DPP6: variants seen among roughly 807,000 people sequenced by gnomAD.
DPP6 encodes A-type potassium channel modulatory protein DPP6.
DPP6 carries 69 observed loss-of-function variants against 122.6 expected under a neutral mutation model. The observed-to-expected ratio is 0.56, with a 90% CI of 0.46 to 0.69. The LOEUF (loss-of-function observed/expected upper bound fraction) is 0.69. Among genes scored for constraint, DPP6 ranks in the 30% least tolerant of loss-of-function variants. The pLI, the probability that DPP6 is intolerant of heterozygous loss-of-function variation, is 0.00. For synonymous variants in DPP6, 418 were observed against 433.1 expected (o/e 0.97, Z 0.43); for missense variants, 928 against 1,116.9 (o/e 0.83, Z 2.41).
intron 3 of DPP6, among the ~76,000 whole-genome samples, chr7:154,535,612 T>C (rs1039425886): frequency 2.0e-5 from 3 of 150,956 alleles, no homozygotes; most frequent in African/African-American, 7.3e-5. Flanking sequence ...CACACCCTGG[T>C]AAAGAATTTT....
intron 16 of DPP6, among the ~76,000 whole-genome samples, chr7:154,823,544 A>G (rs1244489605): frequency 6.6e-6 from 1 of 152,176 alleles, no homozygotes; most frequent in East Asian, 1.9e-4. Flanking sequence ...AGTTTTAGGG[A>G]GACAGATTTC....
At chr7:154,335,305 AAAAACAAAAC>A (rs536036517) in intron 1 of DPP6, among the ~76,000 whole-genome samples, 24 of 143,706 alleles carry the variant, frequency 1.7e-4, no homozygotes, top group African/African-American at 2.5e-4. Context: ...GTATTTCTTA[AAAAACAAAAC>A]AAAACAAAAC....
At chr7:153,850,025 T>C in the DPP6 span, among the ~76,000 whole-genome samples, 1 of 152,340 alleles carries the variant, frequency 6.6e-6, no homozygotes, top group East Asian at 1.9e-4. Flanking sequence ...TTGTGCCTCC[T>C]TCTCATGCTT....
intron 16 of DPP6, among the ~76,000 whole-genome samples, chr7:154,810,397 T>C (rs1016809511): frequency 1.6e-4 from 24 of 152,182 alleles, no homozygotes; most frequent in African/African-American, 5.8e-4. Context: ...CCGTGGTAGA[T>C]AGAAACACAG....
chr7:154,259,237 C>T (rs911636122), intron 1 of DPP6, among the ~76,000 whole-genome samples: 10 of 152,212 alleles, frequency 6.6e-5, no homozygotes, highest in African/African-American at 9.6e-5. Context: ...TAACCTGATG[C>T]TCAAATTGTT....
At chr7:154,869,931 G>A (rs2150632099) in intron 18 of DPP6, among the ~76,000 whole-genome samples, 1 of 150,780 alleles carries the variant, frequency 6.6e-6, no homozygotes, top group East Asian at 2.0e-4. Flanking sequence ...CCAGGGAAGG[G>A]GGCATGAACG....
chr7:154,594,970 C>T (rs10227971), intron 5 of DPP6, among the ~76,000 whole-genome samples: 89,886 of 151,768 alleles, frequency 0.59, 27,089 homozygotes, highest in African/African-American at 0.7. Flanking sequence ...CATTTGTATT[C>T]TGATGGCCTT....
chr7:154,257,189 A>G (rs979133647), intron 1 of DPP6, among the ~76,000 whole-genome samples: 1 of 151,670 alleles, frequency 6.6e-6, no homozygotes, highest in South Asian at 2.1e-4. Flanking sequence ...AGTTCTTGCT[A>G]TGTTGCCCAG....
chr7:154,889,886 G>A (rs1806463194), intron 25 of DPP6: 1 of 268,294 alleles, frequency 3.7e-6, no homozygotes, highest in Non-Finnish European at 7.1e-6. Context: ...TGGGACTGTT[G>A]TTCTGGGTTG....
chr7:154,315,458 C>T lies in DPP6; in HGVS notation c.244-130756C>T, dbSNP rs997213672. Among the ~76,000 whole-genome samples, 8 of 152,068 alleles carry T rather than the reference C, an allele frequency of 5.3e-5. No individual in the cohort carries two copies. The South Asian group carries it at 6.2e-4, about 12-fold the overall frequency. ...AAAAATCCCTACAATTTTTTGAGTTCCTAAGGTTCACATTCCCTTCATTTC... is the reference window on the plus strand; with the variant it reads ...AAAAATCCCTACAATTTTTTGAGTTTCTAAGGTTCACATTCCCTTCATTTC... On this transcript the variant is annotated intron_variant, in intron 1 of 25. Coordinates refer to ENST00000377770, the MANE Select transcript of DPP6 (RefSeq NM_130797.4).
In DPP6 at chr7:154,875,817, C is replaced by T. The variant is rs1347260054; in HGVS notation, c.1884-89C>T. Reference sequence around the variant, plus strand: ...TGGCAGCCGGGTCACGGGTAAAATCCCTTACGGGGGTCATCTGACGTGGCA... The same window carrying T: ...TGGCAGCCGGGTCACGGGTAAAATCTCTTACGGGGGTCATCTGACGTGGCA... On this transcript the variant is annotated intron_variant, in intron 19 of 25. Coordinates refer to ENST00000377770, the MANE Select transcript of DPP6 (RefSeq NM_130797.4). This position sits in a 1 kb window ranked among gnomAD's most constrained non-coding sequence, Gnocchi z 4.5. 20 of 1,511,286 alleles carry T rather than the reference C, an allele frequency of 1.3e-5. No individual in the cohort carries two copies. The highest frequency in any genetic ancestry group is 8.3e-5 in the African/African-American group (6 of 72,272). The allele number at this position is 1,511,286 out of a possible 1,614,324, so 93.6% of individuals were successfully genotyped here. A position where few individuals can be genotyped will look rare whatever the true frequency, so the allele number is the denominator to read the frequency against.
intron 1 of DPP6, among the ~76,000 whole-genome samples, chr7:154,060,965 C>T (rs1429438645): frequency 1.3e-5 from 2 of 148,588 alleles, no homozygotes; most frequent in African/African-American, 4.9e-5. Flanking sequence ...TGTTAAGATC[C>T]TTAGGACCCA....
At chr7:154,566,793 A>T (rs1464067435) in intron 4 of DPP6, 49 bp from the exon 5 acceptor site, 6 of 1,072,656 alleles carry the variant, frequency 5.6e-6, no homozygotes, top group African/African-American at 1.6e-5. Flanking sequence ...TAAGATTCTG[A>T]CTTGTTGTAT....
intron 1 of DPP6, among the ~76,000 whole-genome samples, chr7:154,409,231 A>T (rs534367923): frequency 5.3e-5 from 8 of 152,230 alleles, no homozygotes; most frequent in Admixed American, 4.6e-4. Context: ...AAATGAGGTC[A>T]TATGAATGGA....
the DPP6 span, among the ~76,000 whole-genome samples, chr7:153,814,239 A>G: frequency 6.6e-6 from 1 of 152,190 alleles, no homozygotes; most frequent in Non-Finnish European, 1.5e-5. Flanking sequence ...AGAGAGAAGA[A>G]TCAAATAGAT....
At chr7:153,788,105 T>A in the DPP6 span, among the ~76,000 whole-genome samples, 1 of 152,232 alleles carries the variant, frequency 6.6e-6, no homozygotes, top group African/African-American at 2.4e-5. Flanking sequence ...TTCATAATAT[T>A]CTAGGTTATT....
At chr7:154,832,086 G>A (rs1800671163) in intron 16 of DPP6, among the ~76,000 whole-genome samples, 3 of 152,236 alleles carry the variant, frequency 2.0e-5, no homozygotes, top group African/African-American at 7.2e-5. Context: ...TTTCAAGGAA[G>A]CCACTGTACC....
At chr7:154,537,724 G>A (rs1828373953) in intron 3 of DPP6, among the ~76,000 whole-genome samples, 2 of 146,668 alleles carry the variant, frequency 1.4e-5, no homozygotes, top group South Asian at 2.2e-4. Flanking sequence ...AAAGAAGGAA[G>A]GAAGAAAGAA....
intron 1 of DPP6, among the ~76,000 whole-genome samples, chr7:154,063,898 G>A (rs1471173040): frequency 6.6e-6 from 1 of 151,618 alleles, no homozygotes; most frequent in East Asian, 2.0e-4. Flanking sequence ...CATGTCAGGA[G>A]CTGATACTCC....
Sources: gnomAD v4.1 joint callset for allele counts (sites outside exome capture counted in the v4.1 genomes callset) on GRCh38, gnomAD v4.1.1 for gene constraint, Gnocchi (gnomAD v3.1) non-coding constraint, MANE v1.5 for transcripts, NCBI Gene and HGNC (gene_info 2026-07-23, HGNC 2026-07-21) for gene names.